Variants in PUM2 observed in about 807,000 individuals in gnomAD.
PUM2 encodes pumilio RNA binding family member 2, also known as pumilio homolog 2.
PUM2 carries 57 observed loss-of-function variants against 124.5 expected under a neutral mutation model. The observed-to-expected ratio is 0.46, with a 90% CI of 0.37 to 0.57. The LOEUF is 0.57. Ranked by LOEUF, PUM2 falls within the 20% of genes least tolerant of loss-of-function variation. PUM2 has a pLI of 0.00. For synonymous variants in PUM2, 460 were observed against 446.1 expected (o/e 1.03, Z -0.39); for missense variants, 1,065 against 1,290.6 (o/e 0.83, Z 2.68).
At chr2:20,298,985 C>T (rs1676316846) in intron 7 of PUM2, among the ~76,000 whole-genome samples, 1 of 152,236 alleles carries the variant, frequency 6.6e-6, no homozygotes, top group Non-Finnish European at 1.5e-5. Flanking sequence ...CTCCGCACCC[C>T]TTCCTCCATG....
chr2:20,311,703 G>C, intron 4 of PUM2, 40 bp from the exon 5 acceptor site: 2 of 1,578,386 alleles, frequency 1.3e-6, no homozygotes, highest in Non-Finnish European at 1.7e-6. Flanking sequence ...ATATTTAATA[G>C]AACACAAAAA....
At chr2:20,260,942 C>T (rs1666045670) in intron 14 of PUM2, among the ~76,000 whole-genome samples, 2 of 152,150 alleles carry the variant, frequency 1.3e-5, no homozygotes, top group African/African-American at 4.8e-5. Flanking sequence ...TGCTTAACCA[C>T]ATTTCAATTG....
intron 13 of PUM2, among the ~76,000 whole-genome samples, chr2:20,272,155 AAATGAATG>A (rs60522777): frequency 5.7e-4 from 84 of 148,284 alleles, no homozygotes; most frequent in Middle Eastern, 3.4e-3. Flanking sequence ...AGACTTCGTC[AAATGAATG>A]AATGAATGAA....
chr2:20,333,653 C>G (rs1685386849), intron 1 of PUM2, among the ~76,000 whole-genome samples: 1 of 152,154 alleles, frequency 6.6e-6, no homozygotes, highest in African/African-American at 2.4e-5. Flanking sequence ...TGGTTCACGC[C>G]TGTAATCTCA....
intron 13 of PUM2, among the ~76,000 whole-genome samples, chr2:20,265,576 T>A (rs1185905069): frequency 6.6e-6 from 1 of 152,210 alleles, no homozygotes; most frequent in Non-Finnish European, 1.5e-5. Context: ...GGTGCTTTGC[T>A]TATCATTTCA....
At chr2:20,287,226 A>G (rs1259713888) in intron 10 of PUM2, among the ~76,000 whole-genome samples, 1 of 152,214 alleles carries the variant, frequency 6.6e-6, no homozygotes, top group Non-Finnish European at 1.5e-5. Context: ...TTAAAATAAG[A>G]GTTGTAGAAT....
At position 20,249,363 on chromosome 2, in the gene PUM2, T is replaced by A. The variant is rs1167721664; in HGVS notation, c.*2222A>T. ...CTGAGGTTGGTAAAGTAGGAAAAAG[T>A]GAGACAGCGGCTTTGTGTGGGTTTT... On this transcript the variant is annotated 3_prime_UTR_variant, in exon 21 of 21. Coordinates refer to ENST00000361078, the MANE Select transcript of PUM2 (RefSeq NM_015317.5). 6.6e-6 allele frequency: 1 copy of A among 152,540 alleles called. No individual in the cohort carries two copies. Among genetic ancestry groups the A allele is most frequent in the Non-Finnish European group, 1.5e-5 (1 of 68,032 alleles). The allele number at this position is 152,540 out of a possible 1,614,324, so 9.4% of individuals were successfully genotyped here. A position where few individuals can be genotyped will look rare whatever the true frequency, so the allele number is the denominator to read the frequency against.
intron 1 of PUM2, among the ~76,000 whole-genome samples, chr2:20,342,513 T>C (rs72787501): frequency 0.28 from 42,871 of 152,126 alleles, 6,431 homozygotes; most frequent in Middle Eastern, 0.35. Flanking sequence ...ATACATTTTA[T>C]GTAGTGTTTC....
chr2:20,260,542 T>C, intron 14 of PUM2, 76 bp from the exon 15 acceptor site: 2 of 1,263,006 alleles, frequency 1.6e-6, no homozygotes, highest in Admixed American at 2.1e-5. Context: ...CTTCCACATA[T>C]ATGCACTGCA....
chr2:20,270,530 T>C (rs563108009), intron 13 of PUM2, among the ~76,000 whole-genome samples: 3 of 149,506 alleles, frequency 2.0e-5, no homozygotes, highest in African/African-American at 7.3e-5. Context: ...GCTGAAGAAC[T>C]GGGAAGGTAA....
chr2:20,277,369 T>C (rs1015435514), intron 13 of PUM2, among the ~76,000 whole-genome samples: 4 of 151,524 alleles, frequency 2.6e-5, no homozygotes, highest in Non-Finnish European at 4.4e-5. Flanking sequence ...AGGCTAAAGA[T>C]AGGTAAATCT....
At chr2:20,336,684 TG>T (rs1686115106) in intron 1 of PUM2, among the ~76,000 whole-genome samples, 3 of 49,824 alleles carry the variant, frequency 6.0e-5, no homozygotes, top group South Asian at 5.8e-4. Context: ...GGCTAATTTG[TG>T]TGTGTGTGTG....
At position 20,325,619 on chromosome 2, in the gene PUM2, T is replaced by A. The variant is rs191772130; in HGVS notation, c.51+1691A>T. Among the ~76,000 whole-genome samples, 664 of 144,704 alleles carry A rather than the reference T, an allele frequency of 4.6e-3. 5 individuals carry two copies. Among genetic ancestry groups the A allele is most frequent in the African/African-American group, 0.016 (626 of 39,542 alleles). The allele number at this position is 144,704 out of a possible 152,430, so 94.9% of individuals were successfully genotyped here. Reference sequence around the variant, plus strand: ...AAATTAATGTAGGAGTATGACTCTCTTGTTCTTTTTTTTTTTTTTTGAGAC... The same window carrying A: ...AAATTAATGTAGGAGTATGACTCTCATGTTCTTTTTTTTTTTTTTTGAGAC... On this transcript the variant is annotated intron_variant, in intron 2 of 20. Transcript: ENST00000361078.
At chr2:20,330,991 G>A (rs1267678914) in intron 1 of PUM2, among the ~76,000 whole-genome samples, 1 of 152,184 alleles carries the variant, frequency 6.6e-6, no homozygotes, top group Non-Finnish European at 1.5e-5. Context: ...TGGGATCATA[G>A]AAGTGTTCTG....
chr2:20,272,985 T>C (rs1669387589), intron 13 of PUM2, among the ~76,000 whole-genome samples: 1 of 152,364 alleles, frequency 6.6e-6, no homozygotes, highest in African/African-American at 2.4e-5. Context: ...TACTTTCATT[T>C]TTATGTTATT....
At chr2:20,337,541 GA>G (rs1686379379) in intron 1 of PUM2, among the ~76,000 whole-genome samples, 1 of 152,110 alleles carries the variant, frequency 6.6e-6, no homozygotes, top group African/African-American at 2.4e-5. Context: ...TAGGTGGTTA[GA>G]AAAAAATAAA....
chr2:20,298,735 G>T (rs1676248765), intron 7 of PUM2, among the ~76,000 whole-genome samples: 1 of 152,132 alleles, frequency 6.6e-6, no homozygotes, highest in South Asian at 2.1e-4. Context: ...GCTGGGAGTG[G>T]TGGCAAACGC....
In PUM2 at chr2:20,345,591, G is replaced by T. The variant is rs1326397573; in HGVS notation, c.-19+5006C>A. On this transcript the variant is annotated intron_variant, in intron 1 of 20. Transcript: ENST00000361078. ...GCAACGCTCAAAAAAAAAATGTGTGGGGCGAGGCACAGTGGCTCACGCCTG... is the reference window on the plus strand; with the variant it reads ...GCAACGCTCAAAAAAAAAATGTGTGTGGCGAGGCACAGTGGCTCACGCCTG... 2.0e-5 allele frequency among the ~76,000 whole-genome samples: 3 copies of T among 152,164 alleles called. No homozygotes were observed. In the East Asian group the frequency reaches 5.8e-4, roughly 29 times the overall value.
At position 20,249,342 on chromosome 2, in the gene PUM2, G is replaced by A. The variant is rs755055638; in HGVS notation, c.*2243C>T. The A allele has an allele frequency of 6.6e-6, 1 of 152,522 alleles. No individual in the cohort carries two copies. Among genetic ancestry groups the A allele is most frequent in the Non-Finnish European group, 1.5e-5 (1 of 68,034 alleles). The allele number at this position is 152,522 out of a possible 1,614,324, so 9.4% of individuals were successfully genotyped here. ...TTCGATACGGGCCGAAATACTCTGA[G>A]GTTGGTAAAGTAGGAAAAAGTGAGA... is the stretch of plus-strand genomic sequence containing the variant. On this transcript the variant is annotated 3_prime_UTR_variant, in exon 21 of 21. Transcript: ENST00000361078.
Sources: gnomAD v4.1 joint callset for allele counts (sites outside exome capture counted in the v4.1 genomes callset) on GRCh38, gnomAD v4.1.1 for gene constraint, MANE v1.5 for transcripts, NCBI Gene and HGNC (gene_info 2026-07-23, HGNC 2026-07-21) for gene names.